Variants in NEO1 observed in about 807,000 individuals in gnomAD.
NEO1 encodes neogenin.
A neutral mutation model predicts 159.7 loss-of-function variants in NEO1; 63 were observed. That is an observed-to-expected ratio of 0.39 (90% confidence interval 0.32 to 0.49). The LOEUF (loss-of-function observed/expected upper bound fraction) is 0.49, where lower values mean the gene tolerates loss of function less well. NEO1 is among the 20% of genes least tolerant of loss of function. NEO1 has a pLI of 0.85. For missense variants in NEO1, 1,615 were observed against 1,831.0 expected (o/e 0.88, Z 2.15); for synonymous variants, 633 against 662.0 (o/e 0.96, Z 0.67).
chr15:73,199,594 G>A (rs2036742256), intron 7 of NEO1, among the ~76,000 whole-genome samples: 2 of 152,056 alleles, frequency 1.3e-5, no homozygotes, highest in African/African-American at 4.8e-5. Context: ...TGAGTTTTCT[G>A]GTAATGTCTT....
intron 5 of NEO1, among the ~76,000 whole-genome samples, chr15:73,138,532 G>A (rs939015215): frequency 1.3e-5 from 2 of 152,040 alleles, no homozygotes; most frequent in South Asian, 2.1e-4. Flanking sequence ...CGAGGCGGGC[G>A]GATCACGAGG....
chr15:73,281,313 G>A (rs1310212216), intron 22 of NEO1, among the ~76,000 whole-genome samples: 1 of 150,500 alleles, frequency 6.6e-6, no homozygotes, highest in African/African-American at 2.4e-5. Context: ...TGGAGTGCAT[G>A]GCGCGATCTC....
chr15:73,169,130 T>G (rs1381072540), intron 5 of NEO1, among the ~76,000 whole-genome samples: 1 of 152,174 alleles, frequency 6.6e-6, no homozygotes, highest in Non-Finnish European at 1.5e-5. Flanking sequence ...GGCCCTATAT[T>G]GTTATTTATT....
chr15:73,257,223 T>G (rs1375605714), intron 13 of NEO1, among the ~76,000 whole-genome samples: 1 of 150,946 alleles, frequency 6.6e-6, no homozygotes, highest in African/African-American at 2.4e-5. Flanking sequence ...TTTGAATATT[T>G]AGTTGTATTT....
At chr15:73,288,634 T>C (rs2042041571) in intron 24 of NEO1, 83 bp downstream of exon 24, 2 of 1,199,840 alleles carry the variant, frequency 1.7e-6, no homozygotes, top group Admixed American at 3.8e-5. Flanking sequence ...TGAGTTTGCC[T>C]TCATTTGGCA....
intron 5 of NEO1, among the ~76,000 whole-genome samples, chr15:73,156,312 T>C (rs2033769404): frequency 6.6e-6 from 1 of 152,234 alleles, no homozygotes; most frequent in Non-Finnish European, 1.5e-5. Flanking sequence ...TGCTGGAGAC[T>C]GGAATGCCTC....
chr15:73,276,863 T>C (rs2041448837), intron 21 of NEO1, among the ~76,000 whole-genome samples: 1 of 152,228 alleles, frequency 6.6e-6, no homozygotes, highest in Non-Finnish European at 1.5e-5. Context: ...TTTATAAGTG[T>C]TTTTTGAAGC....
At chr15:73,227,978 T>A (rs1213395760) in intron 7 of NEO1, among the ~76,000 whole-genome samples, 1 of 152,220 alleles carries the variant, frequency 6.6e-6, no homozygotes, top group African/African-American at 2.4e-5. Flanking sequence ...ATGTAAATCA[T>A]ACTTCAGTAA....
chr15:73,297,982 C>T (rs546376546), intron 26 of NEO1, among the ~76,000 whole-genome samples: 83 of 152,336 alleles, frequency 5.4e-4, no homozygotes, highest in Non-Finnish European at 1.0e-3. Context: ...CTATGAAAGG[C>T]CACTGTCTAA....
chr15:73,251,180 G>T (rs1380875825), intron 11 of NEO1, among the ~76,000 whole-genome samples: 1 of 152,040 alleles, frequency 6.6e-6, no homozygotes, highest in Non-Finnish European at 1.5e-5. Context: ...TACTATTCTT[G>T]CCACTGTTTT....
chr15:73,164,022 T>A (rs112982163), intron 5 of NEO1, among the ~76,000 whole-genome samples: 72 of 70,952 alleles, frequency 1.0e-3, no homozygotes, highest in Non-Finnish European at 1.9e-3. Context: ...TTTTCTTATT[T>A]TTTTTTTTTT....
At chr15:73,072,566 G>A (rs1480701049) in intron 1 of NEO1, among the ~76,000 whole-genome samples, 4 of 152,306 alleles carry the variant, frequency 2.6e-5, no homozygotes, top group African/African-American at 9.6e-5. Context: ...TCCTGGTAAA[G>A]TTCACACTTG....
chr15:73,219,851 C>G (rs1427133690), intron 7 of NEO1, among the ~76,000 whole-genome samples: 2 of 149,410 alleles, frequency 1.3e-5, no homozygotes, highest in South Asian at 4.4e-4. Flanking sequence ...GAATACAGCA[C>G]ACTGATGGGT....
intron 7 of NEO1, among the ~76,000 whole-genome samples, chr15:73,216,378 T>G: frequency 6.6e-6 from 1 of 152,204 alleles, no homozygotes; most frequent in Non-Finnish European, 1.5e-5. Flanking sequence ...TTGTGAATAG[T>G]GCCGCAATAA....
intron 1 of NEO1, among the ~76,000 whole-genome samples, chr15:73,102,367 A>G (rs987207381): frequency 4.0e-5 from 6 of 150,866 alleles, no homozygotes; most frequent in African/African-American, 1.5e-4. Context: ...TTCCGTCTCA[A>G]AAAAAAAAAT....
At chr15:73,181,165 A>G (rs775499997) in intron 7 of NEO1, among the ~76,000 whole-genome samples, 12 of 152,230 alleles carry the variant, frequency 7.9e-5, no homozygotes, top group Non-Finnish European at 1.0e-4. Context: ...ACCTGGATCA[A>G]TATGGAAATA....
chr15:73,115,171 T>A (rs780427170), intron 1 of NEO1, among the ~76,000 whole-genome samples: 3 of 152,118 alleles, frequency 2.0e-5, no homozygotes, highest in Admixed American at 1.3e-4. Flanking sequence ...GCCTCCCAAC[T>A]AGCTGGGACT....
At chr15:73,250,340 G>A (rs2040009767) in intron 11 of NEO1, among the ~76,000 whole-genome samples, 1 of 152,028 alleles carries the variant, frequency 6.6e-6, no homozygotes, top group Admixed American at 6.6e-5. Context: ...CTTAGTAAGG[G>A]TATATGTTGT....
chr15:73,280,310 T>C (rs150920090), intron 22 of NEO1, among the ~76,000 whole-genome samples: 1,581 of 151,906 alleles, frequency 0.01, 16 homozygotes, highest in Non-Finnish European at 0.016. Context: ...GAAGCTGTTA[T>C]AGTAGTCCAG....
Sources: gnomAD v4.1 joint callset for allele counts (sites outside exome capture counted in the v4.1 genomes callset) on GRCh38, gnomAD v4.1.1 for gene constraint, MANE v1.5 for transcripts, NCBI Gene and HGNC (gene_info 2026-07-23, HGNC 2026-07-21) for gene names.